The following GSG1L variants were observed in gnomAD, a reference collection of about 807,000 sequenced individuals.
The protein encoded by GSG1L is GSG1 like.
GSG1L carries 24 observed loss-of-function variants against 42.1 expected under a neutral mutation model. The observed-to-expected ratio is 0.57, with a 90% CI of 0.41 to 0.80. GSG1L has a LOEUF of 0.80. GSG1L is among the 30% of genes least tolerant of loss of function. The pLI is 0.00. For missense variants in GSG1L, 445 were observed against 472.2 expected (o/e 0.94, Z 0.53); for synonymous variants, 215 against 203.5 (o/e 1.06, Z -0.48).
chr16:27,827,213 T>G (rs535702217), intron 5 of GSG1L, among the ~76,000 whole-genome samples: 1 of 152,198 alleles, frequency 6.6e-6, no homozygotes, highest in Non-Finnish European at 1.5e-5. Context: ...GATGGTTGAC[T>G]CTGACCTAGG....
intron 6 of GSG1L, among the ~76,000 whole-genome samples, chr16:27,798,671 C>T (rs2082848152): frequency 6.6e-6 from 1 of 152,162 alleles, no homozygotes; most frequent in African/African-American, 2.4e-5. Flanking sequence ...CTTATCATGA[C>T]ACTTCTCAGC....
intron 1 of GSG1L, among the ~76,000 whole-genome samples, chr16:28,024,664 G>A (rs1196011054): frequency 6.6e-6 from 1 of 152,192 alleles, no homozygotes; most frequent in Non-Finnish European, 1.5e-5. Context: ...CCAGCCAGGT[G>A]ACCTTAAACA....
rs145701691 is a variant in GSG1L, at chr16:27,851,481, C to G, written c.551-6420G>C. On this transcript the variant is annotated intron_variant, in intron 3 of 6. Coordinates refer to ENST00000447459, the MANE Select transcript of GSG1L (RefSeq NM_001109763.2). ...AAAGTGCCGGGATCCAAGCAGGAGC[C>G]CCTGTGCCCTGCTGGATCTGAGTTC... Among the ~76,000 whole-genome samples, 618 of 152,242 alleles carry G rather than the reference C, an allele frequency of 4.1e-3. 4 individuals are homozygous for G. The highest frequency in any genetic ancestry group is 0.017 in the South Asian group (83 of 4,820).
intron 1 of GSG1L, among the ~76,000 whole-genome samples, chr16:28,061,360 A>C (rs2141205028): frequency 6.6e-6 from 1 of 152,268 alleles, no homozygotes; most frequent in East Asian, 1.9e-4. Context: ...TTGAGTGTAA[A>C]CCAGAAGTGG....
At chr16:27,973,878 A>G (rs1352318563) in intron 1 of GSG1L, among the ~76,000 whole-genome samples, 2 of 152,170 alleles carry the variant, frequency 1.3e-5, no homozygotes, top group Non-Finnish European at 2.9e-5. Flanking sequence ...AGGCTGCTGC[A>G]GACATGCTCT....
rs192654437 is a variant in GSG1L at position 27,909,686 on chromosome 16, T to C, written c.398-25048A>G. 2.8e-5 allele frequency among the ~76,000 whole-genome samples: 4 copies of C among 144,154 alleles called. No homozygotes were observed. In the East Asian group the frequency reaches 8.5e-4, roughly 31 times the overall value. The allele number at this position is 144,154 out of a possible 152,430, so 94.6% of individuals were successfully genotyped here. Reference sequence around the variant, plus strand: ...AGACAAGGTCTTGCTCTGTTGCCCATGCTGGAACACAATGGTGTGATCATA... The same window carrying C: ...AGACAAGGTCTTGCTCTGTTGCCCACGCTGGAACACAATGGTGTGATCATA... On this transcript the variant is annotated intron_variant, in intron 2 of 6. Coordinates refer to ENST00000447459, the MANE Select transcript of GSG1L (RefSeq NM_001109763.2).
chr16:27,971,713 C>T (rs1041270737), intron 1 of GSG1L, among the ~76,000 whole-genome samples: 1 of 152,072 alleles, frequency 6.6e-6, no homozygotes, highest in South Asian at 2.1e-4. Flanking sequence ...ACATCCTCAT[C>T]TTGTTCCTGA....
chr16:28,060,842 CAACATTGTTTTTT>C (rs1320313795), intron 1 of GSG1L, among the ~76,000 whole-genome samples: 1 of 152,154 alleles, frequency 6.6e-6, no homozygotes, highest in East Asian at 1.9e-4. Flanking sequence ...AAATGTTAGC[CAACATTGTTTTTT>C]AAATAATTTT....
intron 4 of GSG1L, among the ~76,000 whole-genome samples, chr16:27,844,508 G>A (rs538213033): frequency 6.6e-6 from 1 of 152,252 alleles, no homozygotes; most frequent in South Asian, 2.1e-4. Context: ...GACTTTGTGA[G>A]CCATTCAGTC....
At chr16:27,943,374 T>C (rs1022829820) in intron 2 of GSG1L, among the ~76,000 whole-genome samples, 31 of 151,968 alleles carry the variant, frequency 2.0e-4, no homozygotes, top group African/African-American at 6.3e-4. Flanking sequence ...GGTGTAGCAA[T>C]ACAGCAGAAT....
rs150493157 is a variant in GSG1L at position 27,976,409 on chromosome 16, G to A, written c.350-13206C>T. ...TCCTCAAAGCCTGGAGCAGTGATCA[G>A]TGCTGCAGACATGATTGTGGAATGA... On this transcript the variant is annotated intron_variant, in intron 1 of 6. Coordinates refer to ENST00000447459, the MANE Select transcript of GSG1L (RefSeq NM_001109763.2). Among the ~76,000 whole-genome samples the A allele has an allele frequency of 9.2e-5, 14 of 152,332 alleles. No homozygotes were observed. In the East Asian group the frequency reaches 2.7e-3, roughly 29 times the overall value.
At chr16:27,792,739 C>T (rs2082769082) in intron 6 of GSG1L, among the ~76,000 whole-genome samples, 1 of 152,104 alleles carries the variant, frequency 6.6e-6, no homozygotes, top group South Asian at 2.1e-4. Flanking sequence ...ATGTATGCAC[C>T]CCTGTGGACC....
At chr16:28,034,943 G>A (rs1219049710) in intron 1 of GSG1L, among the ~76,000 whole-genome samples, 3 of 152,220 alleles carry the variant, frequency 2.0e-5, no homozygotes, top group Non-Finnish European at 4.4e-5. Context: ...TCTGTACAAT[G>A]GAGAGAGGAG....
intron 2 of GSG1L, among the ~76,000 whole-genome samples, chr16:27,905,605 C>T (rs768084920): frequency 2.0e-5 from 3 of 152,136 alleles, no homozygotes; most frequent in African/African-American, 7.2e-5. Flanking sequence ...TGAGCCAGCA[C>T]CTTTAAGACA....
intron 1 of GSG1L, among the ~76,000 whole-genome samples, chr16:27,999,833 G>A (rs1165247051): frequency 6.6e-6 from 1 of 152,172 alleles, no homozygotes; most frequent in East Asian, 1.9e-4. Context: ...CCACAGATGA[G>A]GGAGAGAAAG....
chr16:27,942,290 C>G (rs2084808817), intron 2 of GSG1L, among the ~76,000 whole-genome samples: 1 of 152,302 alleles, frequency 6.6e-6, no homozygotes. Flanking sequence ...GCTGGGACTA[C>G]AGGTGCTGGC....
intron 4 of GSG1L, among the ~76,000 whole-genome samples, chr16:27,837,121 A>G (rs888730029): frequency 5.9e-5 from 9 of 152,160 alleles, no homozygotes; most frequent in African/African-American, 2.2e-4. Flanking sequence ...ATGGCTTAGG[A>G]GGCCTCAGGA....
intron 5 of GSG1L, 124 bp downstream of exon 5, chr16:27,828,665 C>T: frequency 2.3e-6 from 2 of 863,200 alleles, no homozygotes; most frequent in Non-Finnish European, 3.6e-6. Context: ...TCTGCCTCCC[C>T]CCTCCATAAC....
chr16:27,913,470 T>C (rs182609371), intron 2 of GSG1L, among the ~76,000 whole-genome samples: 138 of 152,362 alleles, frequency 9.1e-4, no homozygotes, highest in African/African-American at 3.2e-3. Context: ...TATTCATTTG[T>C]ATTTACTCCA....
Sources: gnomAD v4.1 joint callset for allele counts (sites outside exome capture counted in the v4.1 genomes callset) on GRCh38, gnomAD v4.1.1 for gene constraint, MANE v1.5 for transcripts, NCBI Gene and HGNC (gene_info 2026-07-23, HGNC 2026-07-21) for gene names.